Variants in NALF1 observed in about 807,000 individuals in gnomAD.
NALF1 encodes family with sequence similarity 155 member A.
A neutral mutation model predicts 48.4 loss-of-function variants in NALF1; 3 were observed. The ratio of observed to expected loss-of-function variants is 0.06; its 90% CI spans 0.03 to 0.16. NALF1 has a LOEUF of 0.16. Among genes scored for constraint, NALF1 ranks in the 10% least tolerant of loss-of-function variants. The pLI is 1.00. For synonymous variants in NALF1, 262 were observed against 245.7 expected, an observed-to-expected ratio of 1.07 and a Z score of -0.62; for missense variants, 526 against 571.5, an observed-to-expected ratio of 0.92 and a Z score of 0.81.
intron 1 of NALF1, among the ~76,000 whole-genome samples, chr13:107,607,647 G>A (rs563831147): frequency 1.3e-5 from 2 of 152,234 alleles, no homozygotes; most frequent in East Asian, 1.9e-4. Flanking sequence ...CTGTGATATC[G>A]GGGTGTCTCC....
rs113703780 is a variant in NALF1 at position 107,629,836 on chromosome 13, A to T, written c.915+235846T>A. On this transcript the variant is annotated intron_variant, in intron 1 of 2. Coordinates refer to ENST00000375915, the MANE Select transcript of NALF1 (RefSeq NM_001080396.3). The stretch of plus-strand genomic sequence containing the variant: ...TGAACTATTATATGTATGTGTATGT[A>T]TTCATTTCCATCTTATTTTCTTTCT... 4.3e-3 allele frequency among the ~76,000 whole-genome samples: 661 copies of T among 152,232 alleles called. 5 individuals carry two copies. The highest frequency in any genetic ancestry group is 0.014 in the African/African-American group (593 of 41,548).
intron 1 of NALF1, among the ~76,000 whole-genome samples, chr13:107,779,248 T>C (rs1877820529): frequency 6.6e-6 from 1 of 152,228 alleles, no homozygotes; most frequent in African/African-American, 2.4e-5. Flanking sequence ...ATATCCTAGT[T>C]TGTGGTTTCC....
intron 2 of NALF1, among the ~76,000 whole-genome samples, chr13:107,195,900 A>G (rs2138788964): frequency 6.6e-6 from 1 of 152,294 alleles, no homozygotes; most frequent in South Asian, 2.1e-4. Flanking sequence ...TAATAACAGC[A>G]GGGAAATCAT....
At chr13:107,583,943 T>C (rs777064687) in intron 1 of NALF1, among the ~76,000 whole-genome samples, 9 of 152,026 alleles carry the variant, frequency 5.9e-5, no homozygotes, top group South Asian at 2.1e-4. Context: ...ACACCCCTAT[T>C]CTAAGGACAA....
intron 1 of NALF1, among the ~76,000 whole-genome samples, chr13:107,676,629 A>ATTTAATTTAATTAATTTAATTC (rs1881133099): frequency 6.6e-6 from 1 of 151,992 alleles, no homozygotes; most frequent in African/African-American, 2.4e-5. Flanking sequence ...AATTAAATTA[A>ATTTAATTTAATTAATTTAATTC]ATTGTGTGTA....
At chr13:107,365,948 C>T (rs2138959681) in intron 1 of NALF1, among the ~76,000 whole-genome samples, 1 of 152,310 alleles carries the variant, frequency 6.6e-6, no homozygotes, top group African/African-American at 2.4e-5. Flanking sequence ...GTTCAATTAG[C>T]AAGCAACAGT....
rs552986787 is a variant in NALF1, at chr13:107,736,939, C to T, written c.915+128743G>A. 6.0e-4 allele frequency among the ~76,000 whole-genome samples: 92 copies of T among 152,288 alleles called. 1 individual carries two copies. Among genetic ancestry groups the T allele is most frequent in the African/African-American group, 1.9e-3 (81 of 41,562 alleles). On this transcript the variant is annotated intron_variant, in intron 1 of 2. Coordinates refer to ENST00000375915, the MANE Select transcript of NALF1 (RefSeq NM_001080396.3). Reference sequence around the variant, plus strand: ...AACTTGGCAGGGGATTCCCACACAGCGAGGAAACCTTAATGGCCTGCCAAC... The same window carrying T: ...AACTTGGCAGGGGATTCCCACACAGTGAGGAAACCTTAATGGCCTGCCAAC...
chr13:107,513,689 C>T lies in NALF1; in HGVS notation c.916-302934G>A, dbSNP rs116591327. ...CTTTTTCACATTGTCCCAGCACTAG[C>T]GCTGGCAGGTCTTCCAGGAGAATGG... On this transcript the variant is annotated intron_variant, in intron 1 of 2. Transcript: ENST00000375915. 4.6e-3 allele frequency among the ~76,000 whole-genome samples: 703 copies of T among 152,264 alleles called. 3 individuals carry two copies. The highest frequency in any genetic ancestry group is 0.016 in the African/African-American group (645 of 41,550).
Position 107,414,561 on chromosome 13 carries a change from T to C in NALF1, c.916-203806A>G, listed in dbSNP as rs149193346. ...GTTAATTATATAGTCAGCCTCATCA[T>C]TGCTCACTCTACTATTTTCCCGATT... is the stretch of plus-strand genomic sequence containing the variant. On this transcript the variant is annotated intron_variant, in intron 1 of 2. Transcript: ENST00000375915. 1.3e-3 allele frequency among the ~76,000 whole-genome samples: 193 copies of C among 151,560 alleles called. 1 individual carries two copies. The highest frequency in any genetic ancestry group is 4.4e-3 in the African/African-American group (181 of 41,466).
At chr13:107,819,076 G>C (rs190450667) in intron 1 of NALF1, among the ~76,000 whole-genome samples, 1 of 152,210 alleles carries the variant, frequency 6.6e-6, no homozygotes, top group African/African-American at 2.4e-5. Flanking sequence ...ATACTCCCAT[G>C]ACAACCTGTA....
intron 1 of NALF1, among the ~76,000 whole-genome samples, chr13:107,557,961 G>C (rs1324597929): frequency 6.6e-6 from 1 of 151,982 alleles, no homozygotes. Context: ...TATTCTTGTG[G>C]GATGTGTCAC....
rs117593579 is a variant in NALF1, at chr13:107,599,453, G to T, written c.915+266229C>A. Among the ~76,000 whole-genome samples the T allele has an allele frequency of 0.02, 3,079 of 151,814 alleles. 211 individuals carry two copies. The East Asian group carries it at 0.26, about 13-fold the overall frequency. On this transcript the variant is annotated intron_variant, in intron 1 of 2. Coordinates refer to ENST00000375915, the MANE Select transcript of NALF1 (RefSeq NM_001080396.3). ...AAAAAAAAAAAATAACATTATTAGG[G>T]TATGGTGTATCCAATCTCATCTTTG...
chr13:107,255,342 T>A (rs1880791792), intron 1 of NALF1, among the ~76,000 whole-genome samples: 1 of 152,224 alleles, frequency 6.6e-6, no homozygotes, highest in African/African-American at 2.4e-5. Context: ...TCTCTTTATG[T>A]TTTAGTATCT....
At chr13:107,701,310 A>G (rs113680650) in intron 1 of NALF1, among the ~76,000 whole-genome samples, 4 of 152,330 alleles carry the variant, frequency 2.6e-5, no homozygotes, top group African/African-American at 4.8e-5. Flanking sequence ...CAGCTTTTAA[A>G]AAGGAGATCC....
At chr13:107,856,631 C>T (rs1310755780) in intron 1 of NALF1, among the ~76,000 whole-genome samples, 1 of 152,106 alleles carries the variant, frequency 6.6e-6, no homozygotes, top group Non-Finnish European at 1.5e-5. Flanking sequence ...CAAAGTACTA[C>T]TACTGTGAGC....
intron 1 of NALF1, among the ~76,000 whole-genome samples, chr13:107,290,381 G>T (rs941959038): frequency 6.6e-6 from 1 of 152,140 alleles, no homozygotes; most frequent in South Asian, 2.1e-4. Flanking sequence ...ATCTTGAATT[G>T]TAGTTCACAT....
chr13:107,247,151 G>C (rs1174678965), intron 1 of NALF1, among the ~76,000 whole-genome samples: 1 of 152,150 alleles, frequency 6.6e-6, no homozygotes, highest in Non-Finnish European at 1.5e-5. Flanking sequence ...AGAAAAAATA[G>C]ATGGAAATGC....
intron 1 of NALF1, among the ~76,000 whole-genome samples, chr13:107,754,652 G>C (rs2138555770): frequency 6.6e-6 from 1 of 152,148 alleles, no homozygotes; most frequent in East Asian, 1.9e-4. Flanking sequence ...AAACCTGCAA[G>C]GAAGTAGAGA....
At chr13:107,799,690 G>A (rs1878541887) in intron 1 of NALF1, among the ~76,000 whole-genome samples, 1 of 152,166 alleles carries the variant, frequency 6.6e-6, no homozygotes, top group Admixed American at 6.5e-5. Context: ...ATGTTAAAAT[G>A]TTTAAAGACA....
Sources: allele counts gnomAD v4.1 joint callset (sites outside exome capture counted in the v4.1 genomes callset), GRCh38; gene constraint gnomAD v4.1.1; transcripts MANE v1.5; gene names NCBI Gene and HGNC (gene_info 2026-07-23, HGNC 2026-07-21).